Variants in RBFOX1 observed in about 807,000 individuals in gnomAD.
The protein encoded by RBFOX1 is RNA binding protein fox-1 homolog 1.
A neutral mutation model predicts 57.7 loss-of-function variants in RBFOX1; 8 were observed. The ratio of observed to expected loss-of-function variants is 0.14; its 90% confidence interval spans 0.08 to 0.25. The LOEUF is 0.25. RBFOX1 is among the 10% of genes least tolerant of loss of function. The pLI is 1.00. For missense variants in RBFOX1, 611 were observed against 548.5 expected (o/e 1.11, Z -1.14); for synonymous variants, 326 against 222.4 (o/e 1.47, Z -4.15).
At chr16:6,838,438 T>C (rs935076619) in intron 3 of RBFOX1, among the ~76,000 whole-genome samples, 5 of 152,332 alleles carry the variant, frequency 3.3e-5, no homozygotes, top group African/African-American at 9.6e-5. Context: ...TTGATGGGCA[T>C]TTGGGTTGAC....
At chr16:6,937,146 T>A (rs2077508232) in intron 3 of RBFOX1, among the ~76,000 whole-genome samples, 1 of 152,130 alleles carries the variant, frequency 6.6e-6, no homozygotes, top group Non-Finnish European at 1.5e-5. Context: ...ACCTTTAAAA[T>A]GTTATCAAAA....
intron 5 of RBFOX1, among the ~76,000 whole-genome samples, chr16:7,524,916 A>G (rs1006541506): frequency 5.3e-5 from 8 of 152,222 alleles, no homozygotes; most frequent in African/African-American, 1.9e-4. Context: ...AGCTATTATT[A>G]TTATCATCAT....
intron 2 of RBFOX1, among the ~76,000 whole-genome samples, chr16:6,343,693 A>G (rs1165686875): frequency 1.3e-5 from 2 of 152,242 alleles, no homozygotes; most frequent in Non-Finnish European, 2.9e-5. Context: ...CTGTTTAAAA[A>G]TTAATACAAA....
chr16:7,431,801 G>A (rs958204822), intron 4 of RBFOX1, among the ~76,000 whole-genome samples: 10 of 152,186 alleles, frequency 6.6e-5, no homozygotes, highest in African/African-American at 2.2e-4. Context: ...GGCAAAACTA[G>A]TATTTGAGGC....
chr16:6,303,639 A>AAATGG (rs1350570915), intron 1 of RBFOX1, among the ~76,000 whole-genome samples: 1 of 152,022 alleles, frequency 6.6e-6, no homozygotes, highest in Non-Finnish European at 1.5e-5. Context: ...TTGGTAATAG[A>AAATGG]AATGGAAAGC....
At chr16:6,243,621 G>A (rs74005034) in intron 1 of RBFOX1, among the ~76,000 whole-genome samples, 2 of 152,162 alleles carry the variant, frequency 1.3e-5, no homozygotes, top group African/African-American at 4.8e-5. Context: ...ACCCACCTCA[G>A]ATTCCCCTGT....
At chr16:6,999,207 TTTTTA>T (rs1568299818) in intron 3 of RBFOX1, among the ~76,000 whole-genome samples, 21,225 of 94,832 alleles carry the variant, frequency 0.22, 2,329 homozygotes, top group Non-Finnish European at 0.28. Context: ...TTATTTTTTA[TTTTTA>T]TTTATTTTTT....
intron 3 of RBFOX1, among the ~76,000 whole-genome samples, chr16:5,617,142 A>G (rs1016677001): frequency 2.0e-5 from 3 of 151,206 alleles, no homozygotes; most frequent in African/African-American, 4.9e-5. Context: ...TCATTCATTC[A>G]TGAATGCACG....
At chr16:6,424,550 A>G (rs2093867595) in intron 2 of RBFOX1, among the ~76,000 whole-genome samples, 1 of 152,014 alleles carries the variant, frequency 6.6e-6, no homozygotes, top group Non-Finnish European at 1.5e-5. Flanking sequence ...AGAATTATCC[A>G]ACTTCACTTG....
chr16:5,459,859 C>A (rs1296038496), intron 1 of RBFOX1, among the ~76,000 whole-genome samples: 1 of 152,100 alleles, frequency 6.6e-6, no homozygotes, highest in Non-Finnish European at 1.5e-5. Flanking sequence ...CAAAATATTT[C>A]TCGAGTCTCT....
At chr16:7,657,596 C>G (rs1022306750) in intron 12 of RBFOX1, among the ~76,000 whole-genome samples, 2 of 152,204 alleles carry the variant, frequency 1.3e-5, no homozygotes, top group Non-Finnish European at 2.9e-5. Flanking sequence ...TGGGCCACTG[C>G]GCACAGACAT....
At chr16:5,279,722 A>T (rs2063226089) in intron 1 of RBFOX1, among the ~76,000 whole-genome samples, 1 of 152,022 alleles carries the variant, frequency 6.6e-6, no homozygotes, top group African/African-American at 2.4e-5. Context: ...GGCTGGTCTC[A>T]AACTCCCAAC....
At chr16:6,222,703 T>G (rs913582580) in intron 1 of RBFOX1, among the ~76,000 whole-genome samples, 1 of 148,920 alleles carries the variant, frequency 6.7e-6, no homozygotes, top group African/African-American at 2.5e-5. Flanking sequence ...ATTATTATTA[T>G]TATTATTATT....
At chr16:5,623,880 C>T (rs2048271350) in intron 3 of RBFOX1, among the ~76,000 whole-genome samples, 1 of 152,160 alleles carries the variant, frequency 6.6e-6, no homozygotes, top group South Asian at 2.1e-4. Flanking sequence ...GTACAATTCA[C>T]CCATTTAGAG....
intron 2 of RBFOX1, among the ~76,000 whole-genome samples, chr16:6,629,720 A>C (rs550718662): frequency 4.6e-5 from 7 of 152,324 alleles, no homozygotes; most frequent in Admixed American, 3.9e-4. Flanking sequence ...TAGGTGGATC[A>C]CAAAATAGCC....
At chr16:5,672,507 C>G (rs1372011327) in intron 3 of RBFOX1, among the ~76,000 whole-genome samples, 1 of 152,184 alleles carries the variant, frequency 6.6e-6, no homozygotes, top group East Asian at 1.9e-4. Flanking sequence ...GCACACCCCT[C>G]CAGACCCTAG....
intron 2 of RBFOX1, among the ~76,000 whole-genome samples, chr16:6,608,519 T>C (rs536402700): frequency 2.0e-5 from 3 of 152,310 alleles, no homozygotes; most frequent in African/African-American, 7.2e-5. Context: ...CCAGGTATGG[T>C]GGCTCACATG....
chr16:6,158,109 T>G (rs1028535817), intron 1 of RBFOX1, among the ~76,000 whole-genome samples: 1 of 152,182 alleles, frequency 6.6e-6, no homozygotes, highest in Admixed American at 6.5e-5. Flanking sequence ...CGAACGCTTT[T>G]ACAAAATGAA....
intron 3 of RBFOX1, among the ~76,000 whole-genome samples, chr16:5,812,396 A>C (rs549000330): frequency 6.6e-5 from 10 of 151,724 alleles, no homozygotes; most frequent in Non-Finnish European, 1.0e-4. Context: ...TTACATTTCC[A>C]CCAGCAGTCT....
Sources: gnomAD v4.1 joint callset for allele counts (sites outside exome capture counted in the v4.1 genomes callset) on GRCh38, gnomAD v4.1.1 for gene constraint, MANE v1.5 for transcripts, NCBI Gene and HGNC (gene_info 2026-07-23, HGNC 2026-07-21) for gene names.